RPTOR: variants seen among roughly 807,000 people sequenced by gnomAD.
RPTOR encodes the protein regulatory-associated protein of mTOR.
RPTOR carries 21 observed loss-of-function variants against 169.9 expected under a neutral mutation model. The observed-to-expected ratio is 0.12, with a 90% CI of 0.09 to 0.18. RPTOR has a LOEUF of 0.18. RPTOR is among the 10% of genes least tolerant of loss of function. The probability of loss-of-function intolerance (pLI) is 1.00; values close to 1 mark genes in which losing one functional copy is unlikely to be tolerated. For synonymous variants in RPTOR, 732 were observed against 753.2 expected, an observed-to-expected ratio of 0.97 and a Z score of 0.46; for missense variants, 1,133 against 1,855.9, an observed-to-expected ratio of 0.61 and a Z score of 7.16.
intron 3 of RPTOR, among the ~76,000 whole-genome samples, chr17:80,645,436 C>T (rs901100382): frequency 1.3e-5 from 2 of 152,176 alleles, no homozygotes; most frequent in African/African-American, 4.8e-5. Context: ...GAATGAGTCT[C>T]TGCTATTAAA....
intron 32 of RPTOR, 29 bp from the exon 33 acceptor site, chr17:80,962,899 T>C (rs371916179): frequency 6.2e-7 from 1 of 1,612,634 alleles, no homozygotes. Context: ...AAGAGGGCAG[T>C]GATGCCGGGA....
intron 17 of RPTOR, 73 bp downstream of exon 17, chr17:80,885,221 A>G (rs2068231875): frequency 6.6e-6 from 10 of 1,503,914 alleles, no homozygotes; most frequent in South Asian, 6.3e-5. Flanking sequence ...CCAAGCCCGC[A>G]TGGCCCTGAC....
At chr17:80,672,927 T>A (rs536279517) in intron 3 of RPTOR, among the ~76,000 whole-genome samples, 1 of 152,236 alleles carries the variant, frequency 6.6e-6, no homozygotes, top group African/African-American at 2.4e-5. Context: ...ACAGTCTTTT[T>A]ACATTATTTT....
intron 4 of RPTOR, among the ~76,000 whole-genome samples, chr17:80,712,209 A>G (rs1229409583): frequency 6.6e-6 from 1 of 151,938 alleles, no homozygotes; most frequent in East Asian, 1.9e-4. Flanking sequence ...ACTGATAATG[A>G]TGTGTTATAA....
At chr17:80,663,063 A>G (rs1015274026) in intron 3 of RPTOR, among the ~76,000 whole-genome samples, 1 of 152,120 alleles carries the variant, frequency 6.6e-6, no homozygotes, top group Non-Finnish European at 1.5e-5. Context: ...TACAGTGACC[A>G]CATGTGATGT....
At chr17:80,636,698 C>T (rs1016221854) in intron 2 of RPTOR, among the ~76,000 whole-genome samples, 12 of 152,116 alleles carry the variant, frequency 7.9e-5, no homozygotes, top group Non-Finnish European at 1.3e-4. Context: ...CCAGTATCCC[C>T]ACTCCAGATC....
chr17:80,921,782 G>C (rs947069566), intron 21 of RPTOR, among the ~76,000 whole-genome samples: 5 of 152,138 alleles, frequency 3.3e-5, no homozygotes, highest in African/African-American at 1.2e-4. Flanking sequence ...TGTGCCAGCT[G>C]TGCACCACCC....
intron 3 of RPTOR, among the ~76,000 whole-genome samples, chr17:80,689,374 G>T (rs1311654351): frequency 1.3e-5 from 2 of 152,216 alleles, no homozygotes; most frequent in Non-Finnish European, 2.9e-5. Context: ...GGCGGAGGAC[G>T]CCACCTGCTC....
intron 1 of RPTOR, among the ~76,000 whole-genome samples, chr17:80,589,590 T>C (rs191804827): frequency 2.0e-5 from 3 of 152,362 alleles, no homozygotes; most frequent in Admixed American, 2.0e-4. Context: ...TTTTTCTAAT[T>C]TTTCATGTAG....
rs1016250991 is a variant in RPTOR at position 80,707,318 on chromosome 17, T to C, written c.349-523T>C. Among the ~76,000 whole-genome samples the C allele has an allele frequency of 9.5e-5, 14 of 148,084 alleles. No individual in the cohort carries two copies. The highest frequency in any genetic ancestry group is 1.6e-4 in the African/African-American group (6 of 37,516). On this transcript the variant is annotated intron_variant, in intron 3 of 33. Transcript: ENST00000306801. This position sits in a 1 kb window ranked among gnomAD's most constrained non-coding sequence, Gnocchi z 5.0. Reference sequence around the variant, plus strand: ...GTTGCCATGTGACAGGCATTACTTGTTTATCTCATTGTTGTTCCTAGTAGT... The same window carrying C: ...GTTGCCATGTGACAGGCATTACTTGCTTATCTCATTGTTGTTCCTAGTAGT...
intron 3 of RPTOR, among the ~76,000 whole-genome samples, chr17:80,688,238 T>G (rs915748715): frequency 6.6e-6 from 1 of 152,158 alleles, no homozygotes. Context: ...AAACTAGAAG[T>G]TAGACACTAT....
intron 7 of RPTOR, among the ~76,000 whole-genome samples, chr17:80,800,044 G>A (rs948939954): frequency 3.3e-5 from 5 of 152,228 alleles, no homozygotes; most frequent in Admixed American, 2.0e-4. Context: ...GTAAGTGCAC[G>A]GCAGGTGGCC....
In RPTOR at chr17:80,657,477, T is replaced by G. The variant is rs187550325; in HGVS notation, c.348+13667T>G. 3.1e-3 allele frequency among the ~76,000 whole-genome samples: 466 copies of G among 152,358 alleles called. 2 individuals carry two copies. The highest frequency in any genetic ancestry group is 0.011 in the African/African-American group (452 of 41,578). On this transcript the variant is annotated intron_variant, in intron 3 of 33. Transcript: ENST00000306801. ...GTAACCAGCTGACTTTCCTTCTTTT[T>G]TTTTGAAATCTCCTTTACTTTTTCA...
chr17:80,584,068 A>C (rs1057358158), intron 1 of RPTOR, among the ~76,000 whole-genome samples: 5 of 152,212 alleles, frequency 3.3e-5, no homozygotes, highest in African/African-American at 9.6e-5. Flanking sequence ...GGCATGGCGC[A>C]GGGGGACCCA....
At chr17:80,606,012 CTT>C (rs574035469) in intron 1 of RPTOR, among the ~76,000 whole-genome samples, 48 of 152,086 alleles carry the variant, frequency 3.2e-4, no homozygotes, top group Non-Finnish European at 6.3e-4. Context: ...TACCAATAGA[CTT>C]TTGTTTTTGT....
chr17:80,773,285 C>T (rs2066862318), intron 6 of RPTOR, among the ~76,000 whole-genome samples: 1 of 152,232 alleles, frequency 6.6e-6, no homozygotes, highest in Non-Finnish European at 1.5e-5. Context: ...AGAGACACAG[C>T]TAGTGGGGAC....
At chr17:80,931,306 T>C (rs1159562873) in intron 24 of RPTOR, among the ~76,000 whole-genome samples, 1 of 151,974 alleles carries the variant, frequency 6.6e-6, no homozygotes, top group Non-Finnish European at 1.5e-5. Context: ...AGGGAAGAGG[T>C]GCCTCCAAGG....
intron 3 of RPTOR, among the ~76,000 whole-genome samples, chr17:80,701,612 A>C (rs1261460178): frequency 6.6e-6 from 1 of 152,220 alleles, no homozygotes; most frequent in South Asian, 2.1e-4. Flanking sequence ...AACTGGCCTG[A>C]GTCCTGAAAT....
intron 1 of RPTOR, among the ~76,000 whole-genome samples, chr17:80,625,320 G>C (rs1399521167): frequency 6.6e-6 from 1 of 152,210 alleles, no homozygotes; most frequent in Non-Finnish European, 1.5e-5. Context: ...TTAATATCTG[G>C]TGGGAGTGTA....
Sources: gnomAD v4.1 joint callset for allele counts (sites outside exome capture counted in the v4.1 genomes callset) on GRCh38, gnomAD v4.1.1 for gene constraint, Gnocchi (gnomAD v3.1) non-coding constraint, MANE v1.5 for transcripts, NCBI Gene and HGNC (gene_info 2026-07-23, HGNC 2026-07-21) for gene names.